ATP2C2: variants seen among roughly 807,000 people sequenced by gnomAD.
ATP2C2 encodes the protein calcium-transporting ATPase type 2C member 2.
Under a neutral mutation model 110.8 loss-of-function variants are expected in ATP2C2, and 171 were observed. The observed-to-expected ratio is 1.54, with a 90% CI of 1.36 to 1.75. ATP2C2 has a LOEUF of 1.75. Ranked by LOEUF, ATP2C2 falls within the 40% of genes most tolerant of loss-of-function variation. The pLI is 0.00. For missense variants in ATP2C2, 1,963 were observed against 1,235.0 expected, an observed-to-expected ratio of 1.59 and a Z score of -8.84; for synonymous variants, 804 against 508.4, an observed-to-expected ratio of 1.58 and a Z score of -7.82.
At position 84,439,170 on chromosome 16, in the gene ATP2C2, G is replaced by C; in HGVS notation, c.991G>C (p.Ala331Pro). 1 of 1,612,186 alleles carries C rather than the reference G, an allele frequency of 6.2e-7. No homozygotes were observed. The highest frequency in any genetic ancestry group is 8.5e-7 in the Non-Finnish European group (1 of 1,180,012). The change falls in exon 12 of 27, where the codon GCT becomes CCT. Residue 331 changes from alanine to proline, a missense_variant. Physicochemically the swap from Ala to Pro is conservative, Grantham distance 27 (BLOSUM62 -1). Transcript: ENST00000262429. ...TCATTTGACCTTTCGATCCAGCCTG[G>C]CTGTGGCGGCCATTCCAGAGGGTCT... is the stretch of plus-strand genomic sequence containing the variant. ...LSMFTIGVSL[A>P]VAAIPEGLPI...
intron 3 of ATP2C2, chr16:84,407,179 T>A (rs921597545): frequency 3.9e-5 from 6 of 152,110 alleles, no homozygotes; most frequent in Non-Finnish European, 5.9e-5. Context: ...CTCCTATCTT[T>A]CCCCCAGTGA....
chr16:84,391,132 A>AAAAAGAAG (rs1031717046), intron 1 of ATP2C2, among the ~76,000 whole-genome samples: 1 of 149,492 alleles, frequency 6.7e-6, no homozygotes, highest in Non-Finnish European at 1.5e-5. Context: ...AAAAAAAAAA[A>AAAAAGAAG]AAGAAGAAGA....
chr16:84,436,936 AT>A (rs1190360130), intron 11 of ATP2C2, among the ~76,000 whole-genome samples: 1 of 151,048 alleles, frequency 6.6e-6, no homozygotes, highest in African/African-American at 2.4e-5. Flanking sequence ...CTAATTTTGT[AT>A]TTTTAGGAGA....
chr16:84,454,938 G>T lies in ATP2C2; in HGVS notation c.2101G>T (p.Glu701Ter), dbSNP rs1476853629. 3 of 1,613,824 alleles carry T rather than the reference G, an allele frequency of 1.9e-6. No homozygotes were observed. In the African/African-American group the frequency reaches 4.0e-5, roughly 22 times the overall value. Residue 701 changes from glutamate to a stop codon, truncating the protein, a stop_gained, in exon 21 of 27, where the codon GAG (glutamate) becomes TAG (stop). Coordinates refer to ENST00000262429, the MANE Select transcript of ATP2C2 (RefSeq NM_014861.4). LOFTEE classifies it high-confidence loss of function. ...GCAGACAGGGACGGACGTCAGCAAAGAGGCCGCCAACATGATCCTGGTGGA... is the reference window on the plus strand; with the variant it reads ...GCAGACAGGGACGGACGTCAGCAAATAGGCCGCCAACATGATCCTGGTGGA... ...MGQTGTDVSK[E>*]AANMILVDDD...
intron 15 of ATP2C2, among the ~76,000 whole-genome samples, chr16:84,445,859 G>T (rs1909700564): frequency 6.6e-6 from 1 of 152,178 alleles, no homozygotes; most frequent in Non-Finnish European, 1.5e-5. Flanking sequence ...TTTACACCTG[G>T]GGAAACTGAG....
chr16:84,459,155 A>T lies in ATP2C2; in HGVS notation c.2183A>T (p.Asn728Ile), dbSNP rs759299713. 54 of 1,614,038 alleles carry T rather than the reference A, an allele frequency of 3.3e-5. No homozygotes were observed. Among genetic ancestry groups the T allele is most frequent in the Non-Finnish European group, 4.4e-5 (52 of 1,180,046 alleles). ...AVEEGKGIFY[N>I]IKNFVRFQLS... Reference sequence around the variant, plus strand: ...GAGGAAGGCAAGGGTATTTTTTACAACATCAAAAACTTTGTCCGATTCCAG... The same window carrying T: ...GAGGAAGGCAAGGGTATTTTTTACATCATCAAAAACTTTGTCCGATTCCAG... The change falls in exon 22 of 27, where the codon AAC (asparagine) becomes ATC (isoleucine). Residue 728 changes from asparagine to isoleucine, a missense_variant. Asn to Ile is a moderately radical substitution (Grantham distance 149). Transcript: ENST00000262429.
chr16:84,447,987 A>T (rs570334172), intron 16 of ATP2C2, among the ~76,000 whole-genome samples: 2 of 152,038 alleles, frequency 1.3e-5, no homozygotes, highest in African/African-American at 4.8e-5. Context: ...CTAGGGGTAC[A>T]GTGTGACTCT....
chr16:84,456,281 TA>T (rs1910782356), intron 21 of ATP2C2, among the ~76,000 whole-genome samples: 1 of 150,850 alleles, frequency 6.6e-6, no homozygotes, highest in Non-Finnish European at 1.5e-5. Flanking sequence ...GTTGGTAAAC[TA>T]TTGATTATTG....
At chr16:84,454,143 C>G (rs1025607809) in intron 20 of ATP2C2, among the ~76,000 whole-genome samples, 3 of 150,100 alleles carry the variant, frequency 2.0e-5, no homozygotes, top group African/African-American at 7.4e-5. Context: ...TTACTCAACT[C>G]CGTGCCTCCG....
chr16:84,395,020 T>C (rs929467524), intron 1 of ATP2C2, among the ~76,000 whole-genome samples: 1 of 152,108 alleles, frequency 6.6e-6, no homozygotes, highest in Non-Finnish European at 1.5e-5. Flanking sequence ...CTCCACTGTC[T>C]GGATGGACCA....
At chr16:84,442,726 C>A in intron 15 of ATP2C2, 127 bp downstream of exon 15, 2 of 916,748 alleles carry the variant, frequency 2.2e-6, no homozygotes, top group Non-Finnish European at 1.7e-6. Flanking sequence ...GAAAATGGCC[C>A]ACACTGGCCT....
intron 26 of ATP2C2, among the ~76,000 whole-genome samples, 169 bp from the exon 27 acceptor site, chr16:84,463,445 C>T (rs1452382221): frequency 1.3e-5 from 2 of 152,162 alleles, no homozygotes; most frequent in South Asian, 2.1e-4. Context: ...TCTGGAACTG[C>T]AGCATTTTGG....
At chr16:84,387,561 C>T (rs1328809384) in intron 1 of ATP2C2, among the ~76,000 whole-genome samples, 3 of 152,076 alleles carry the variant, frequency 2.0e-5, no homozygotes, top group East Asian at 1.9e-4. Context: ...GCCATGTGCA[C>T]GTACTTAAAT....
At chr16:84,450,932 A>C (rs527372167) in intron 17 of ATP2C2, among the ~76,000 whole-genome samples, 1 of 152,232 alleles carries the variant, frequency 6.6e-6, no homozygotes, top group South Asian at 2.1e-4. Flanking sequence ...TCCACCTCAC[A>C]TGTCCCATTC....
At chr16:84,461,872 C>T (rs1347386452) in intron 25 of ATP2C2, 60 bp downstream of exon 25, 1 of 1,607,890 alleles carries the variant, frequency 6.2e-7, no homozygotes, top group African/African-American at 1.3e-5. Context: ...ACAGCAGCGC[C>T]CCGACCCTGC....
Position 84,402,377 on chromosome 16 carries a change from G to A in ATP2C2, c.211-2751G>A, listed in dbSNP as rs191294781. Among the ~76,000 whole-genome samples, 3 of 152,294 alleles carry A rather than the reference G, an allele frequency of 2.0e-5. No individual in the cohort carries two copies. The East Asian group carries it at 5.8e-4, about 29-fold the overall frequency. On this transcript the variant is annotated intron_variant, in intron 2 of 26. Coordinates refer to ENST00000262429, the MANE Select transcript of ATP2C2 (RefSeq NM_014861.4). The stretch of plus-strand genomic sequence containing the variant: ...ATTCTGTTGAATAGTAGTGGTAAAA[G>A]TGGGTATCCTACGGGAAAAGCTTTC...
At chr16:84,446,825 C>G (rs1025327238) in intron 16 of ATP2C2, among the ~76,000 whole-genome samples, 1 of 152,180 alleles carries the variant, frequency 6.6e-6, no homozygotes, top group African/African-American at 2.4e-5. Flanking sequence ...GTGACTGAGG[C>G]CCTGCTGCTA....
chr16:84,371,202 C>T (rs1304058569), intron 1 of ATP2C2, among the ~76,000 whole-genome samples: 1 of 152,140 alleles, frequency 6.6e-6, no homozygotes, highest in African/African-American at 2.4e-5. Context: ...GACTGGATTT[C>T]AGCATTTCCA....
Position 84,404,949 on chromosome 16 carries a change from TC to T in ATP2C2, c.211-177del, listed in dbSNP as rs148573808. The T allele has an allele frequency of 4.7e-3, 3,344 of 705,016 alleles. 76 individuals are homozygous for T. The East Asian group carries it at 0.059, about 12-fold the overall frequency. The allele number at this position is 705,016 out of a possible 1,614,324, so 43.7% of individuals were successfully genotyped here. A position where few individuals can be genotyped will look rare whatever the true frequency, so the allele number is the denominator to read the frequency against. On this transcript the variant is annotated intron_variant, in intron 2 of 26. Transcript: ENST00000262429. ...ATAATGGTCACTGGCTTGTGCCTTT[TC>T]CTCCTCTCTCTGCCCCATCTGCACG...
Sources: allele counts gnomAD v4.1 joint callset (sites outside exome capture counted in the v4.1 genomes callset), GRCh38; gene constraint gnomAD v4.1.1; transcripts MANE v1.5; gene names NCBI Gene and HGNC (gene_info 2026-07-23, HGNC 2026-07-21).